HMCN2: variants seen among roughly 807,000 people sequenced by gnomAD.
The protein encoded by HMCN2 is hemicentin 2.
Under a neutral mutation model 377.5 loss-of-function variants are expected in HMCN2, and 325 were observed. The ratio of observed to expected loss-of-function variants is 0.86; its 90% CI spans 0.79 to 0.94. The LOEUF (loss-of-function observed/expected upper bound fraction) is 0.94, where lower values mean the gene tolerates loss of function less well. Among genes scored for constraint, HMCN2 ranks in the 40% least tolerant of loss-of-function variants. HMCN2 has a pLI of 0.00. For missense variants in HMCN2, 4,543 were observed against 4,725.3 expected (o/e 0.96, Z 1.13); for synonymous variants, 2,007 against 2,046.8 (o/e 0.98, Z 0.53).
chr9:130,430,528 G>A lies in HMCN2; in HGVS notation c.14571G>A (p.Pro4857=), dbSNP rs780072750. The A allele has an allele frequency of 5.3e-5, 82 of 1,550,618 alleles. No individual in the cohort carries two copies. The Middle Eastern group carries it at 1.5e-3, about 28-fold the overall frequency. ...TSYHAWVSLR[P]GPMALSSVGR... The stretch of plus-strand genomic sequence containing the variant: ...ACCACGCCTGGGTCTCTCTCCGTCC[G>A]GGTCCCATGGCCCTGAGCAGTGTGG... The change falls in exon 95 of 98, where the codon CCG becomes CCA. Residue 4857 remains proline, a synonymous_variant. Transcript: ENST00000683500.
intron 4 of HMCN2, among the ~76,000 whole-genome samples, chr9:130,288,259 A>G (rs914548844): frequency 6.6e-6 from 1 of 151,960 alleles, no homozygotes. Context: ...CAAATCCACT[A>G]CTCCCAGCTG....
intron 81 of HMCN2, 60 bp downstream of exon 81, chr9:130,405,119 G>C (rs1367848011): frequency 8.7e-7 from 1 of 1,154,650 alleles, no homozygotes; most frequent in Admixed American, 2.7e-5. Context: ...TGTTTGTCAT[G>C]CTCTGCGCTG....
rs913278438 is a variant in HMCN2, at chr9:130,355,874, G to A, written c.5255+20G>A. On this transcript the variant is annotated intron_variant, in intron 33 of 97. Coordinates refer to ENST00000683500, the MANE Select transcript of HMCN2 (RefSeq NM_001291815.2). The stretch of plus-strand genomic sequence containing the variant: ...TATCCAGTGAGTCTGGGGTGGTGGA[G>A]GCCAGGGCTGGGGGTAGGCAGAGAG... 25 of 1,257,074 alleles carry A rather than the reference G, an allele frequency of 2.0e-5. No individual in the cohort carries two copies. Among genetic ancestry groups the A allele is most frequent in the Non-Finnish European group, 2.6e-5 (25 of 947,202 alleles). 77.9% of individuals were successfully genotyped at this position (1,257,074 alleles called of 1,614,324 possible). A position where few individuals can be genotyped will look rare whatever the true frequency, so the allele number is the denominator to read the frequency against.
Position 130,303,499 on chromosome 9 carries a change from C to T in HMCN2, c.1434C>T (p.Asn478=), listed in dbSNP as rs1380437576. The change falls in exon 10 of 98, where the codon AAC becomes AAT. Residue 478 remains asparagine, a synonymous_variant. Transcript: ENST00000683500. The surrounding 1 kb of genome is among the most constrained non-coding windows in gnomAD (Gnocchi z 5.2). ...GEERHFQESG[N]SSWEILRASK... is the part of the protein sequence containing the mutation. ...TCCCTGTTTGCAGGGAGTCGGGAAA[C>T]AGCAGCTGGGAGATCCTGCGGGCCT... The T allele has an allele frequency of 4.4e-6, 2 of 451,858 alleles. No homozygotes were observed. Among genetic ancestry groups the T allele is most frequent in the African/African-American group, 2.0e-5 (1 of 49,238 alleles). 28.0% of individuals were successfully genotyped at this position (451,858 alleles called of 1,614,324 possible). A position where few individuals can be genotyped will look rare whatever the true frequency, so the allele number is the denominator to read the frequency against.
intron 96 of HMCN2, among the ~76,000 whole-genome samples, chr9:130,431,734 G>C (rs1410953137): frequency 6.6e-6 from 1 of 152,210 alleles, no homozygotes; most frequent in Non-Finnish European, 1.5e-5. Flanking sequence ...GCCCTGCAAG[G>C]CCAATCCTAG....
In HMCN2 at chr9:130,393,554, C is replaced by G. The variant is rs1358349725; in HGVS notation, c.10235-188C>G. Among the ~76,000 whole-genome samples the G allele has an allele frequency of 6.6e-6, 1 of 152,188 alleles. No homozygotes were observed. Among genetic ancestry groups the G allele is most frequent in the Non-Finnish European group, 1.5e-5 (1 of 68,032 alleles). On this transcript the variant is annotated intron_variant, in intron 67 of 97. Transcript: ENST00000683500. The surrounding 1 kb of genome is among the most constrained non-coding windows in gnomAD (Gnocchi z 5.2). ...GGCAGGAAGCAGCTCAGTAAAGAGA[C>G]AATCACAATTCCAGGGAACTAGTGA...
chr9:130,397,593 A>G lies in HMCN2; in HGVS notation c.11264A>G (p.Tyr3755Cys), dbSNP rs1842667321. Reference sequence around the variant, plus strand: ...GTCCTTGCCCAGGACGCCGGCCACTACCTCTGCCTGGCATCCAACTCTGCT... The same window carrying G: ...GTCCTTGCCCAGGACGCCGGCCACTGCCTCTGCCTGGCATCCAACTCTGCT... ...QPVLAQDAGH[Y>C]LCLASNSAGS... The change falls in exon 74 of 98, where the codon TAC becomes TGC. Residue 3755 changes from tyrosine (Y) to cysteine (C), a missense_variant. By Grantham distance (194) the Tyr-to-Cys change is radical (BLOSUM62 -2). Coordinates refer to ENST00000683500, the MANE Select transcript of HMCN2 (RefSeq NM_001291815.2). 7.8e-7 allele frequency: 1 copy of G among 1,289,530 alleles called. No homozygotes were observed. The highest frequency in any genetic ancestry group is 2.3e-5 in the Admixed American group (1 of 43,530). The allele number at this position is 1,289,530 out of a possible 1,614,324, so 79.9% of individuals were successfully genotyped here.
intron 36 of HMCN2, among the ~76,000 whole-genome samples, chr9:130,358,916 C>T (rs1031880962): frequency 1.8e-4 from 27 of 152,174 alleles, no homozygotes; most frequent in Non-Finnish European, 2.8e-4. Context: ...CCTCGTGATC[C>T]GCCCGCCTCG....
chr9:130,391,494 C>T lies in HMCN2; in HGVS notation c.9872C>T (p.Ala3291Val), dbSNP rs1842320925. The change falls in exon 65 of 98, where the codon GCC (alanine) becomes GTC (valine). Residue 3291 changes from alanine (A) to valine (V), a missense_variant. Physicochemically the swap from Ala to Val is moderately conservative, Grantham distance 64. Coordinates refer to ENST00000683500, the MANE Select transcript of HMCN2 (RefSeq NM_001291815.2). ...GGSLVLKGLR[A>V]SDAGAYTCVA... ...TCCCTGGTGCTAAAAGGCCTGAGGG[C>T]CTCGGACGCGGGTGCCTACACCTGC... is the stretch of plus-strand genomic sequence containing the variant. 2 of 987,880 alleles carry T rather than the reference C, an allele frequency of 2.0e-6. No individual in the cohort carries two copies. The highest frequency in any genetic ancestry group is 2.8e-4 in the Middle Eastern group (1 of 3,532). The allele number at this position is 987,880 out of a possible 1,614,324, so 61.2% of individuals were successfully genotyped here. A position where few individuals can be genotyped will look rare whatever the true frequency, so the allele number is the denominator to read the frequency against.
At chr9:130,382,980 A>G (rs1841811406) in intron 56 of HMCN2, 114 bp downstream of exon 56, 3 of 614,518 alleles carry the variant, frequency 4.9e-6, no homozygotes, top group South Asian at 7.2e-5. Context: ...GCTGGGAACC[A>G]TGCTGGAGCC....
intron 97 of HMCN2, chr9:130,432,978 CGCGGCAAG>C: frequency 2.8e-6 from 1 of 358,970 alleles, no homozygotes; most frequent in Non-Finnish European, 5.0e-6. Context: ...AGCAGATGCC[CGCGGCAAG>C]GCTAAGCGCA....
rs12378343 is a variant in HMCN2 at position 130,433,573 on chromosome 9, G to T, written c.15120G>T (p.Ala5040=). ...GTCCGCTGCGCGCGGGCCTTGGCGC[G>T]GTCTACACCCGTCGCGCGCTCACCC... The part of the protein sequence containing the change: ...ALRPLRAGLG[A]VYTRRALTRA... The change falls in exon 98 of 98, where the codon GCG becomes GCT. Residue 5040 remains alanine, a synonymous_variant. Coordinates refer to ENST00000683500, the MANE Select transcript of HMCN2 (RefSeq NM_001291815.2). 6.1e-6 allele frequency: 9 copies of T among 1,473,164 alleles called. No individual in the cohort carries two copies. The highest frequency in any genetic ancestry group is 1.7e-4 in the Middle Eastern group (1 of 5,758). The allele number at this position is 1,473,164 out of a possible 1,614,324, so 91.3% of individuals were successfully genotyped here.
At chr9:130,355,197 A>C (rs1839961367) in intron 32 of HMCN2, among the ~76,000 whole-genome samples, 153 bp downstream of exon 32, 1 of 152,060 alleles carries the variant, frequency 6.6e-6, no homozygotes. Flanking sequence ...GAGGACGCTG[A>C]GGCCTGGGCT....
chr9:130,431,381 C>T lies in HMCN2; in HGVS notation c.14662C>T (p.Arg4888Cys), dbSNP rs754965040. 3.9e-5 allele frequency: 60 copies of T among 1,549,892 alleles called. No homozygotes were observed. Among genetic ancestry groups the T allele is most frequent in the East Asian group, 3.2e-4 (13 of 40,900 alleles). The change falls in exon 96 of 98, where the codon CGC becomes TGC. Residue 4888 changes from arginine (R) to cysteine (C), a missense_variant. Arg to Cys is a radical substitution (Grantham distance 180). This residue lies in a region of HMCN2 where 1,155 missense variants were observed against 1,157.7 expected (regional missense o/e 1.00). Transcript: ENST00000683500. Reference sequence around the variant, plus strand: ...GCCCGGGCCAGACCTTGACGAGTGCCGCGTGAGGAACCTGTGTCAGCACGC... The same window carrying T: ...GCCCGGGCCAGACCTTGACGAGTGCTGCGTGAGGAACCTGTGTCAGCACGC... ...NGVCTDLDEC[R>C]VRNLCQHACR...
Position 130,428,390 on chromosome 9 carries a change from T to A in HMCN2, c.14098T>A (p.Cys4700Ser). Residue 4700 changes from cysteine (C) to serine (S), a missense_variant, in exon 93 of 98, where the codon TGC becomes AGC. By Grantham distance (112) the Cys-to-Ser change is moderately radical (BLOSUM62 -1). Transcript: ENST00000683500. The surrounding 1 kb of genome is among the most constrained non-coding windows in gnomAD (Gnocchi z 5.0). ...VDECAWDAHL[C>S]REGQRCVNLL... ...CGAGTGTGCGTGGGATGCTCACCTC[T>A]GCCGAGAGGGACAGCGCTGTGTGAA... The A allele has an allele frequency of 6.5e-7, 1 of 1,548,152 alleles. No homozygotes were observed. Among genetic ancestry groups the A allele is most frequent in the East Asian group, 2.4e-5 (1 of 40,914 alleles).
At chr9:130,417,181 A>G (rs13300371) in intron 85 of HMCN2, among the ~76,000 whole-genome samples, 95,118 of 151,650 alleles carry the variant, frequency 0.63, 30,527 homozygotes, top group East Asian at 0.83. Flanking sequence ...CCAAAGTGCT[A>G]GGGTTACAGG....
chr9:130,313,334 C>T (rs1837363002), intron 15 of HMCN2, among the ~76,000 whole-genome samples: 1 of 146,770 alleles, frequency 6.8e-6, no homozygotes, highest in South Asian at 2.1e-4. Flanking sequence ...TCCTACTCCT[C>T]TGTGCCAGGA....
chr9:130,312,605 T>TTTCC (rs1837328015), intron 15 of HMCN2, among the ~76,000 whole-genome samples: 4 of 119,892 alleles, frequency 3.3e-5, no homozygotes, highest in African/African-American at 1.3e-4. Context: ...TCTTTCTTTC[T>TTTCC]TTCTTTCTTT....
chr9:130,332,293 G>C (rs1838468248), intron 22 of HMCN2, among the ~76,000 whole-genome samples: 1 of 152,212 alleles, frequency 6.6e-6, no homozygotes, highest in East Asian at 1.9e-4. Flanking sequence ...CACCATGGCG[G>C]TTAGGAAGGA....
Sources: allele counts gnomAD v4.1 joint callset (sites outside exome capture counted in the v4.1 genomes callset), GRCh38; gene constraint gnomAD v4.1.1; regional missense constraint gnomAD v4.1.1; non-coding constraint Gnocchi (gnomAD v3.1); transcripts MANE v1.5; gene names NCBI Gene and HGNC (gene_info 2026-07-23, HGNC 2026-07-21).